PIGN: variants seen among roughly 807,000 people sequenced by gnomAD.
PIGN encodes the protein phosphatidylinositol glycan anchor biosynthesis class N.
A neutral mutation model predicts 125.4 loss-of-function variants in PIGN; 117 were observed. The ratio of observed to expected loss-of-function variants is 0.93; its 90% CI spans 0.80 to 1.09. The LOEUF is 1.09. Ranked by LOEUF, PIGN falls within the 50% of genes least tolerant of loss-of-function variation. The probability of loss-of-function intolerance (pLI) is 0.00; values close to 1 mark genes in which losing one functional copy is unlikely to be tolerated. For missense variants in PIGN, 1,075 were observed against 1,094.9 expected, an observed-to-expected ratio of 0.98 and a Z score of 0.26; for synonymous variants, 392 against 377.8, an observed-to-expected ratio of 1.04 and a Z score of -0.44.
intron 23 of PIGN, among the ~76,000 whole-genome samples, chr18:62,026,917 G>C (rs1426368492): frequency 6.6e-6 from 1 of 152,156 alleles, no homozygotes; most frequent in Admixed American, 6.5e-5. Context: ...GAGGCTGACG[G>C]GGGGCCAAGG....
At chr18:62,098,643 A>C (rs2034309269) in intron 22 of PIGN, among the ~76,000 whole-genome samples, 2 of 152,308 alleles carry the variant, frequency 1.3e-5, no homozygotes, top group South Asian at 4.1e-4. Context: ...AAAAATGCTC[A>C]TTAAAGCTAG....
chr18:62,139,219 A>G (rs1053272026), intron 12 of PIGN, 144 bp from the exon 13 acceptor site: 11 of 551,050 alleles, frequency 2.0e-5, no homozygotes, highest in Non-Finnish European at 3.0e-5. Flanking sequence ...TCTTTTTAAA[A>G]CTATAACTGA....
chr18:62,183,961 T>G (rs2037808636), intron 1 of PIGN, among the ~76,000 whole-genome samples: 1 of 152,182 alleles, frequency 6.6e-6, no homozygotes, highest in South Asian at 2.1e-4. Flanking sequence ...GTTTAATTGC[T>G]TAATACTAAA....
chr18:62,036,335 G>A (rs1270410912), downstream of PIGN, among the ~76,000 whole-genome samples: 2 of 151,702 alleles, frequency 1.3e-5, no homozygotes, highest in Non-Finnish European at 2.9e-5. Flanking sequence ...GAACTCCTGG[G>A]CTTAAGCAAT....
Position 62,161,218 on chromosome 18 carries a change from ATCT to A in PIGN, c.133_135del (p.Arg45del), listed in dbSNP as rs1568244811. ...AGGCCATCAGCAACAAACAACACTAATCTTCTCGCTGGAGGAGGCAATGGTGTA... is the reference window on the plus strand; with the variant it reads ...AGGCCATCAGCAACAAACAACACTAATCTCGCTGGAGGAGGCAATGGTGTA... On this transcript the variant is annotated inframe_deletion, in exon 4 of 31. Transcript: ENST00000640252. 5 of 1,613,888 alleles carry A rather than the reference ATCT, an allele frequency of 3.1e-6. No homozygotes were observed. Among genetic ancestry groups the A allele is most frequent in the African/African-American group, 1.3e-5 (1 of 75,040 alleles).
At chr18:62,031,133 C>T (rs2030188884) in intron 23 of PIGN, among the ~76,000 whole-genome samples, 2 of 152,170 alleles carry the variant, frequency 1.3e-5, no homozygotes, top group Non-Finnish European at 1.5e-5. Context: ...TGGTTTCCCC[C>T]ATACAGTTCT....
intron 4 of PIGN, among the ~76,000 whole-genome samples, chr18:62,160,917 G>T (rs988540087): frequency 6.6e-6 from 1 of 152,134 alleles, no homozygotes; most frequent in Non-Finnish European, 1.5e-5. Flanking sequence ...CAATTCACCG[G>T]TTATCAGCTT....
intron 1 of PIGN, among the ~76,000 whole-genome samples, chr18:62,174,723 GTTAAA>G (rs1488380554): frequency 4.6e-5 from 7 of 151,664 alleles, no homozygotes; most frequent in Admixed American, 2.6e-4. Context: ...AATTAAATCG[GTTAAA>G]TTAATGCTAA....
chr18:62,155,744 T>C lies in PIGN; in HGVS notation c.443-1093A>G, dbSNP rs528888320. Among the ~76,000 whole-genome samples the C allele has an allele frequency of 3.1e-4, 25 of 79,638 alleles. No individual in the cohort carries two copies. In the East Asian group the frequency reaches 6.2e-3, roughly 20 times the overall value. The allele number at this position is 79,638 out of a possible 152,430, so 52.2% of individuals were successfully genotyped here. Reference sequence around the variant, plus strand: ...AAGATATGGAACATTAGACTATCTCTAATTCAATTATTTGTCCTCTCCCAT... The same window carrying C: ...AAGATATGGAACATTAGACTATCTCCAATTCAATTATTTGTCCTCTCCCAT... On this transcript the variant is annotated intron_variant, in intron 6 of 30. Transcript: ENST00000640252.
intron 14 of PIGN, 100 bp downstream of exon 14, chr18:62,138,143 C>T (rs994559232): frequency 6.9e-7 from 1 of 1,457,550 alleles, no homozygotes; most frequent in Non-Finnish European, 9.2e-7. Flanking sequence ...TATAAAATGG[C>T]AAACTGTATA....
intron 1 of PIGN, among the ~76,000 whole-genome samples, chr18:62,164,758 C>T (rs1410740782): frequency 6.6e-6 from 1 of 152,088 alleles, no homozygotes; most frequent in Non-Finnish European, 1.5e-5. Flanking sequence ...TATGTTAATA[C>T]ATATGTTAAT....
intron 14 of PIGN, among the ~76,000 whole-genome samples, chr18:62,116,747 A>G (rs1424053124): frequency 6.6e-6 from 1 of 152,232 alleles, no homozygotes; most frequent in Non-Finnish European, 1.5e-5. Context: ...AAATGAATCA[A>G]TAAATTTTGA....
rs568961635 is a variant in PIGN at position 62,042,655 on chromosome 18, T to C, written c.*3201A>G. On this transcript the variant is annotated 3_prime_UTR_variant, in exon 31 of 31. Coordinates refer to ENST00000640252, the MANE Select transcript of PIGN (RefSeq NM_176787.5). ...AATTTTGATTATTAATGTTTCCTTC[T>C]CATTTTTTTTTTAAATAACAAAGCA... 5.1e-4 allele frequency: 66 copies of C among 130,636 alleles called. No individual in the cohort carries two copies. Among genetic ancestry groups the C allele is most frequent in the African/African-American group, 1.8e-3 (65 of 36,930 alleles). The allele number at this position is 130,636 out of a possible 1,614,324, so 8.1% of individuals were successfully genotyped here. A position where few individuals can be genotyped will look rare whatever the true frequency, so the allele number is the denominator to read the frequency against.
chr18:62,050,747 A>T (rs1224054183), intron 30 of PIGN, among the ~76,000 whole-genome samples: 1 of 152,070 alleles, frequency 6.6e-6, no homozygotes, highest in East Asian at 1.9e-4. Flanking sequence ...GTTGAATAGG[A>T]GTGGTGAGAG....
chr18:62,038,315 T>G (rs79865109), downstream of PIGN, among the ~76,000 whole-genome samples: 24,571 of 146,120 alleles, frequency 0.17, 2,695 homozygotes, highest in Middle Eastern at 0.27. Flanking sequence ...CGTGTTTTTT[T>G]TTTTTTTTTT....
chr18:62,181,452 A>C (rs549390690), intron 1 of PIGN, among the ~76,000 whole-genome samples: 317 of 152,300 alleles, frequency 2.1e-3, no homozygotes, highest in African/African-American at 7.2e-3. Flanking sequence ...TTAACAGTGC[A>C]AAATCTAATA....
chr18:62,085,308 C>T (rs1166411905), intron 25 of PIGN, 44 bp from the exon 26 acceptor site: 11 of 1,302,330 alleles, frequency 8.4e-6, no homozygotes, highest in Admixed American at 2.1e-5. Flanking sequence ...AGATTTCATA[C>T]AAATTTCCTT....
chr18:62,023,968 G>A (rs2030084143), intron 23 of PIGN, among the ~76,000 whole-genome samples: 1 of 152,190 alleles, frequency 6.6e-6, no homozygotes, highest in Non-Finnish European at 1.5e-5. Flanking sequence ...GAGGGAAGGT[G>A]TTATTTAACT....
At chr18:62,156,652 G>A (rs3851142) in intron 6 of PIGN, among the ~76,000 whole-genome samples, 88,039 of 151,986 alleles carry the variant, frequency 0.58, 26,374 homozygotes, top group East Asian at 0.78. Flanking sequence ...CTTTATATGA[G>A]TAGCTACTAA....
Sources: gnomAD v4.1 joint callset for allele counts (sites outside exome capture counted in the v4.1 genomes callset) on GRCh38, gnomAD v4.1.1 for gene constraint, MANE v1.5 for transcripts, NCBI Gene and HGNC (gene_info 2026-07-23, HGNC 2026-07-21) for gene names.